Variants in ACTR3B observed in about 807,000 individuals in gnomAD.
The protein encoded by ACTR3B is actin related protein 3B.
In ACTR3B, 8 loss-of-function variants were observed where a neutral mutation model predicts 59.0. The ratio of observed to expected loss-of-function variants is 0.14; its 90% CI spans 0.08 to 0.24. The LOEUF (loss-of-function observed/expected upper bound fraction) is 0.24. ACTR3B is among the 10% of genes least tolerant of loss of function. The pLI is 1.00. For synonymous variants in ACTR3B, 148 were observed against 197.9 expected, an observed-to-expected ratio of 0.75 and a Z score of 2.12; for missense variants, 245 against 552.3, an observed-to-expected ratio of 0.44 and a Z score of 5.58.
chr7:152,842,509 C>T (rs1312692835), intron 9 of ACTR3B, among the ~76,000 whole-genome samples: 2 of 152,216 alleles, frequency 1.3e-5, no homozygotes, highest in Non-Finnish European at 2.9e-5. Flanking sequence ...GGGTAACTGA[C>T]ACCGTGGAGC....
intron 1 of ACTR3B, among the ~76,000 whole-genome samples, chr7:152,760,706 T>G (rs2098086928): frequency 6.6e-6 from 1 of 152,234 alleles, no homozygotes; most frequent in Admixed American, 6.5e-5. Context: ...GTGTGACCAC[T>G]TCTTTCGTTG....
In ACTR3B at chr7:152,791,202, G is replaced by T. The variant is rs532476229; in HGVS notation, c.100+7960G>T. Among the ~76,000 whole-genome samples, 30 of 151,902 alleles carry T rather than the reference G, an allele frequency of 2.0e-4. 1 individual carries two copies. The East Asian group carries it at 5.8e-3, about 29-fold the overall frequency. On this transcript the variant is annotated intron_variant, in intron 2 of 11. Coordinates refer to ENST00000256001, the MANE Select transcript of ACTR3B (RefSeq NM_020445.6). ...ATTTTTGTAATTTTAATAGAGACAGGGTTTCATTGTGTTGCCCAGTCTGGT... is the reference window on the plus strand; with the variant it reads ...ATTTTTGTAATTTTAATAGAGACAGTGTTTCATTGTGTTGCCCAGTCTGGT...
chr7:152,772,365 C>T (rs1015686399), intron 1 of ACTR3B, among the ~76,000 whole-genome samples: 1 of 148,970 alleles, frequency 6.7e-6, no homozygotes, highest in African/African-American at 2.5e-5. Flanking sequence ...TCCCCCTGCC[C>T]CCTAAAAGAA....
At chr7:152,821,863 T>G (rs1477491380) in intron 7 of ACTR3B, among the ~76,000 whole-genome samples, 2 of 152,226 alleles carry the variant, frequency 1.3e-5, no homozygotes, top group African/African-American at 4.8e-5. Flanking sequence ...TGCCATGGCC[T>G]TCTGTGGTTG....
chr7:152,843,062 TA>T (rs1387293500), intron 9 of ACTR3B, among the ~76,000 whole-genome samples: 27 of 152,248 alleles, frequency 1.8e-4, no homozygotes, highest in African/African-American at 6.3e-4. Context: ...GACAACTCAA[TA>T]GTAAGAGTTC....
intron 10 of ACTR3B, among the ~76,000 whole-genome samples, chr7:152,852,647 G>T (rs1352073665): frequency 1.3e-5 from 2 of 152,202 alleles, no homozygotes; most frequent in Non-Finnish European, 1.5e-5. Context: ...TTAGCAGGGA[G>T]TTACAAGGCG....
intron 1 of ACTR3B, among the ~76,000 whole-genome samples, chr7:152,775,657 G>T (rs2098134589): frequency 1.3e-5 from 2 of 151,972 alleles, no homozygotes; most frequent in Non-Finnish European, 2.9e-5. Context: ...TACTCAGGAG[G>T]CTGAGGCAGG....
chr7:152,822,148 G>C (rs1296838276), intron 7 of ACTR3B, among the ~76,000 whole-genome samples: 2 of 152,218 alleles, frequency 1.3e-5, no homozygotes, highest in Admixed American at 6.5e-5. Context: ...AGCACTTCTT[G>C]CCTGTCAGTC....
intron 1 of ACTR3B, among the ~76,000 whole-genome samples, chr7:152,770,871 A>T (rs528306973): frequency 1.5e-5 from 2 of 137,824 alleles, no homozygotes; most frequent in Non-Finnish European, 3.2e-5. Context: ...TCATGGGACT[A>T]TGCACAGAAA....
At chr7:152,852,317 GAC>G (rs1261146911) in intron 10 of ACTR3B, 66 bp downstream of exon 10, 2 of 1,532,784 alleles carry the variant, frequency 1.3e-6, no homozygotes, top group African/African-American at 2.8e-5. Flanking sequence ...GGGCCCTCCT[GAC>G]ACAGAGCCGA....
intron 9 of ACTR3B, among the ~76,000 whole-genome samples, chr7:152,847,143 C>T (rs1358560105): frequency 5.5e-5 from 8 of 145,440 alleles, no homozygotes; most frequent in African/African-American, 2.0e-4. Flanking sequence ...CTCTAGTGCC[C>T]GGGGCTGCAG....
intron 9 of ACTR3B, among the ~76,000 whole-genome samples, chr7:152,848,415 A>G (rs1798533231): frequency 1.3e-5 from 2 of 152,238 alleles, no homozygotes; most frequent in African/African-American, 4.8e-5. Context: ...GAAAAGTTTT[A>G]AAGGAGTTGT....
At chr7:152,841,868 T>C (rs1361772620) in intron 9 of ACTR3B, among the ~76,000 whole-genome samples, 1 of 152,230 alleles carries the variant, frequency 6.6e-6, no homozygotes, top group East Asian at 1.9e-4. Flanking sequence ...TGGTATTATG[T>C]TGCTCTGTTT....
At chr7:152,766,324 A>C (rs938478532) in intron 1 of ACTR3B, among the ~76,000 whole-genome samples, 1 of 152,204 alleles carries the variant, frequency 6.6e-6, no homozygotes, top group African/African-American at 2.4e-5. Context: ...CTCCTCAGAG[A>C]CACAGGGCCC....
chr7:152,820,374 C>A lies in ACTR3B; in HGVS notation c.616C>A (p.Gln206Lys). Residue 206 changes from glutamine (Q) to lysine (K), a missense_variant, in exon 7 of 12, where the codon CAG becomes AAG. Gln to Lys is a moderately conservative substitution (Grantham distance 53, BLOSUM62 1). This residue lies in a region of ACTR3B where 12 missense variants were observed against 68.7 expected (regional missense o/e 0.17). Transcript: ENST00000256001. Reference protein sequence around the residue: ...AGRDITYFIQQLLREREVGIP... With the variant: ...AGRDITYFIQKLLREREVGIP... ...TAGAGATATTACGTATTTCATTCAA[C>A]AGCTGCTAAGGGAGAGGGAGGTGGG... is the stretch of plus-strand genomic sequence containing the variant. 6.2e-7 allele frequency: 1 copy of A among 1,609,066 alleles called. No homozygotes were observed. Among genetic ancestry groups the A allele is most frequent in the Non-Finnish European group, 8.5e-7 (1 of 1,176,314 alleles).
chr7:152,819,233 T>C (rs969995703), intron 6 of ACTR3B, among the ~76,000 whole-genome samples: 4 of 152,148 alleles, frequency 2.6e-5, no homozygotes, highest in East Asian at 1.9e-4. Flanking sequence ...AAAGAAACCA[T>C]AGGAGGAATT....
At chr7:152,825,695 A>G (rs557030343) in intron 9 of ACTR3B, among the ~76,000 whole-genome samples, 27 of 152,182 alleles carry the variant, frequency 1.8e-4, no homozygotes, top group Non-Finnish European at 3.2e-4. Flanking sequence ...AGTTTTAGCC[A>G]CAAATATCGA....
chr7:152,840,724 C>T (rs1359555307), intron 9 of ACTR3B, among the ~76,000 whole-genome samples: 119 of 83,756 alleles, frequency 1.4e-3, no homozygotes, highest in African/African-American at 4.6e-3. Flanking sequence ...CCTCCACTCT[C>T]GCTCTGGCAG....
chr7:152,765,652 C>T (rs982964238), intron 1 of ACTR3B, among the ~76,000 whole-genome samples: 1 of 151,894 alleles, frequency 6.6e-6, no homozygotes, highest in Non-Finnish European at 1.5e-5. Context: ...TATCATGGTC[C>T]CCATTTTTGT....
Sources: gnomAD v4.1 joint callset for allele counts (sites outside exome capture counted in the v4.1 genomes callset) on GRCh38, gnomAD v4.1.1 for gene constraint, gnomAD v4.1.1 regional missense constraint, MANE v1.5 for transcripts, NCBI Gene and HGNC (gene_info 2026-07-23, HGNC 2026-07-21) for gene names.